LRRC7: variants seen among roughly 807,000 people sequenced by gnomAD.
The protein encoded by LRRC7 is leucine rich repeat containing 7.
In LRRC7, 23 loss-of-function variants were observed where a neutral mutation model predicts 175.7. The observed-to-expected ratio is 0.13, with a 90% CI of 0.09 to 0.19. The LOEUF (loss-of-function observed/expected upper bound fraction) is 0.19. Ranked by LOEUF, LRRC7 falls within the 10% of genes least tolerant of loss-of-function variation. The pLI is 1.00. For missense variants in LRRC7, 1,354 were observed against 1,904.7 expected (o/e 0.71, Z 5.38); for synonymous variants, 685 against 680.9 (o/e 1.01, Z -0.09).
intron 7 of LRRC7, among the ~76,000 whole-genome samples, chr1:69,890,849 C>A (rs1022302344): frequency 2.6e-5 from 4 of 152,212 alleles, no homozygotes. Flanking sequence ...CACAAACCAA[C>A]CTCTGCTAGC....
At chr1:69,776,689 T>C (rs1361002128) in intron 3 of LRRC7, among the ~76,000 whole-genome samples, 1 of 151,970 alleles carries the variant, frequency 6.6e-6, no homozygotes, top group African/African-American at 2.4e-5. Context: ...TAACTTGCTA[T>C]TGATTTTTCA....
intron 1 of LRRC7, among the ~76,000 whole-genome samples, chr1:69,586,498 A>T (rs561547899): frequency 6.6e-6 from 1 of 151,982 alleles, no homozygotes; most frequent in Admixed American, 6.6e-5. Context: ...GAGATTTTCA[A>T]TGTGGCGGGG....
intron 7 of LRRC7, among the ~76,000 whole-genome samples, chr1:69,857,438 G>A (rs146055645): frequency 0.011 from 1,681 of 151,840 alleles, 30 homozygotes; most frequent in African/African-American, 0.038. Flanking sequence ...AAATCAATGT[G>A]CAAAAATCAC....
chr1:69,954,737 GA>G (rs1251930219), intron 8 of LRRC7, among the ~76,000 whole-genome samples: 1 of 152,000 alleles, frequency 6.6e-6, no homozygotes, highest in Non-Finnish European at 1.5e-5. Context: ...GTTCACACAT[GA>G]AGAAAATATT....
chr1:69,600,355 C>T (rs537263302), intron 1 of LRRC7, among the ~76,000 whole-genome samples: 39 of 152,208 alleles, frequency 2.6e-4, no homozygotes, highest in African/African-American at 7.9e-4. Flanking sequence ...CATCTTGTTG[C>T]CATAGGCTCC....
At chr1:70,105,436 A>G (rs1361353479) in intron 25 of LRRC7, among the ~76,000 whole-genome samples, 1 of 152,210 alleles carries the variant, frequency 6.6e-6, no homozygotes, top group Admixed American at 6.5e-5. Context: ...CTGATGTCCC[A>G]TTACTGTGTA....
At chr1:69,802,219 T>C (rs1254254919) in intron 4 of LRRC7, among the ~76,000 whole-genome samples, 2 of 151,556 alleles carry the variant, frequency 1.3e-5, no homozygotes, top group Non-Finnish European at 3.0e-5. Flanking sequence ...AAATGTTCTG[T>C]ATGTCTATTA....
chr1:69,615,024 T>C (rs1271252610), intron 1 of LRRC7, among the ~76,000 whole-genome samples: 1 of 152,038 alleles, frequency 6.6e-6, no homozygotes, highest in Non-Finnish European at 1.5e-5. Context: ...GCCAAATATT[T>C]GGCATAAAAC....
intron 23 of LRRC7, among the ~76,000 whole-genome samples, chr1:70,070,017 A>G (rs1662263222): frequency 6.6e-6 from 1 of 151,582 alleles, no homozygotes; most frequent in African/African-American, 2.4e-5. Flanking sequence ...TTTTATTGAC[A>G]TGGTCTCACT....
intron 11 of LRRC7, among the ~76,000 whole-genome samples, chr1:70,005,647 A>G (rs972882296): frequency 1.3e-5 from 2 of 152,192 alleles, no homozygotes; most frequent in African/African-American, 2.4e-5. Flanking sequence ...TGTAATATTT[A>G]TATGTAGTTT....
chr1:69,852,603 T>C (rs1683109809), intron 7 of LRRC7, among the ~76,000 whole-genome samples: 1 of 152,204 alleles, frequency 6.6e-6, no homozygotes, highest in Non-Finnish European at 1.5e-5. Context: ...TTAGTATCTT[T>C]TGCTTTTTTA....
At chr1:70,032,138 C>T (rs934355358) in intron 18 of LRRC7, among the ~76,000 whole-genome samples, 7 of 152,198 alleles carry the variant, frequency 4.6e-5, no homozygotes, top group Non-Finnish European at 8.8e-5. Context: ...AATGTTGTAA[C>T]TGAGAGCTAC....
rs143735000 is a variant in LRRC7 at position 69,637,641 on chromosome 1, G to A, written c.3-40740G>A. On this transcript the variant is annotated intron_variant, in intron 1 of 26. Coordinates refer to ENST00000651989, the MANE Select transcript of LRRC7 (RefSeq NM_001370785.2). Reference sequence around the variant, plus strand: ...TATTCCTCAGGGTTATGAAATACACGTTAATCTTCTTTTCCTTTCTTTTCT... The same window carrying A: ...TATTCCTCAGGGTTATGAAATACACATTAATCTTCTTTTCCTTTCTTTTCT... 4.5e-4 allele frequency among the ~76,000 whole-genome samples: 69 copies of A among 152,002 alleles called. No homozygotes were observed. The East Asian group carries it at 0.013, about 28-fold the overall frequency.
intron 3 of LRRC7, among the ~76,000 whole-genome samples, chr1:69,787,516 T>C (rs1246514223): frequency 1.3e-5 from 2 of 152,326 alleles, no homozygotes; most frequent in East Asian, 1.9e-4. Flanking sequence ...TCTTCTGAAA[T>C]CTACTCAGAG....
intron 7 of LRRC7, among the ~76,000 whole-genome samples, chr1:69,906,817 G>A (rs1005385648): frequency 2.6e-5 from 4 of 152,162 alleles, no homozygotes; most frequent in East Asian, 3.9e-4. Flanking sequence ...GTAGTTTGGT[G>A]GGGATGGCGT....
intron 4 of LRRC7, among the ~76,000 whole-genome samples, chr1:69,822,054 C>G (rs1241150858): frequency 6.6e-6 from 1 of 152,156 alleles, no homozygotes; most frequent in Non-Finnish European, 1.5e-5. Flanking sequence ...ACCAGTCAGC[C>G]AGATGATGGA....
At chr1:69,980,265 A>G in intron 8 of LRRC7, 114 bp from the exon 9 acceptor site, 1 of 906,906 alleles carries the variant, frequency 1.1e-6, no homozygotes, top group South Asian at 1.4e-5. Flanking sequence ...GATGCTTAAC[A>G]CTAGATTCCC....
At chr1:70,120,152 C>T (rs554154756) in intron 26 of LRRC7, among the ~76,000 whole-genome samples, 4 of 152,120 alleles carry the variant, frequency 2.6e-5, no homozygotes, top group Non-Finnish European at 5.9e-5. Context: ...CAAATGTAAC[C>T]TCATTGTCTG....
chr1:69,733,408 G>A (rs187936758), intron 2 of LRRC7, among the ~76,000 whole-genome samples: 1 of 152,104 alleles, frequency 6.6e-6, no homozygotes. Context: ...AATTAAGTCA[G>A]TGAAGTAATT....
Sources: gnomAD v4.1 joint callset for allele counts (sites outside exome capture counted in the v4.1 genomes callset) on GRCh38, gnomAD v4.1.1 for gene constraint, MANE v1.5 for transcripts, NCBI Gene and HGNC (gene_info 2026-07-23, HGNC 2026-07-21) for gene names.